Variants in FREM1 observed in about 807,000 individuals in gnomAD.
The protein encoded by FREM1 is FRAS1-related extracellular matrix protein 1.
A neutral mutation model predicts 210.1 loss-of-function variants in FREM1; 220 were observed. That is an observed-to-expected ratio of 1.05 (90% confidence interval 0.94 to 1.17). The LOEUF (loss-of-function observed/expected upper bound fraction) is 1.17, where lower values mean the gene tolerates loss of function less well. FREM1 is among the 50% of genes most tolerant of loss of function. The pLI is 0.00. For synonymous variants in FREM1, 1,189 were observed against 980.2 expected, an observed-to-expected ratio of 1.21 and a Z score of -3.98; for missense variants, 3,454 against 2,675.5, an observed-to-expected ratio of 1.29 and a Z score of -6.42.
intron 10 of FREM1, among the ~76,000 whole-genome samples, chr9:14,831,855 G>A (rs1016699961): frequency 6.6e-5 from 10 of 152,190 alleles, no homozygotes; most frequent in Admixed American, 4.6e-4. Context: ...GCCATGGCTC[G>A]GAGGGTCACG....
At chr9:14,787,374 T>C (rs905230183) in intron 23 of FREM1, among the ~76,000 whole-genome samples, 11 of 152,228 alleles carry the variant, frequency 7.2e-5, no homozygotes, top group Admixed American at 2.0e-4. Context: ...GGATAATGTG[T>C]CTACTCGGTA....
At chr9:14,818,902 GAT>G (rs1820779934) in intron 14 of FREM1, among the ~76,000 whole-genome samples, 1 of 152,154 alleles carries the variant, frequency 6.6e-6, no homozygotes, top group Admixed American at 6.5e-5. Context: ...TAGCCTCACA[GAT>G]TATTTCAGTC....
At chr9:14,892,249 C>T (rs1425718588) in intron 1 of FREM1, among the ~76,000 whole-genome samples, 1 of 152,128 alleles carries the variant, frequency 6.6e-6, no homozygotes, top group Non-Finnish European at 1.5e-5. Context: ...ATTCTGCAAA[C>T]CCCAAAGGGA....
intron 1 of FREM1, among the ~76,000 whole-genome samples, chr9:14,878,250 G>C (rs1481864914): frequency 6.6e-6 from 1 of 151,980 alleles, no homozygotes; most frequent in Non-Finnish European, 1.5e-5. Flanking sequence ...TCTCCTGTTT[G>C]TCTTCCCTTT....
intron 1 of FREM1, among the ~76,000 whole-genome samples, chr9:14,886,663 A>G (rs1004060770): frequency 2.6e-5 from 4 of 152,028 alleles, no homozygotes; most frequent in African/African-American, 9.7e-5. Context: ...TGGGAGGCCA[A>G]GGAAGGTGGA....
At chr9:14,839,376 C>T (rs1033821729) in intron 10 of FREM1, among the ~76,000 whole-genome samples, 6 of 152,152 alleles carry the variant, frequency 3.9e-5, no homozygotes, top group African/African-American at 1.2e-4. Flanking sequence ...GCTGATGATA[C>T]ATACATGTAA....
rs1317744364 is a variant in FREM1 at position 14,756,362 on chromosome 9, C to G, written c.5407+12G>C. The G allele has an allele frequency of 2.6e-6, 4 of 1,567,062 alleles. No individual in the cohort carries two copies. The East Asian group carries it at 6.9e-5, about 27-fold the overall frequency. On this transcript the variant is annotated intron_variant, in intron 29 of 36. Coordinates refer to ENST00000380880, the MANE Select transcript of FREM1 (RefSeq NM_001379081.2). ...CAAAACACATAAAACAAACTGCAGA[C>G]ACAAAATGTACCTGGGTCAAACTGA...
chr9:14,812,846 A>C lies in FREM1; in HGVS notation c.2859T>G (p.Asp953Glu), dbSNP rs1166095816. 2 of 1,613,310 alleles carry C rather than the reference A, an allele frequency of 1.2e-6. No homozygotes were observed. The highest frequency in any genetic ancestry group is 3.3e-5 in the Admixed American group (2 of 60,000). The change falls in exon 16 of 37, where the codon GAT becomes GAG. Residue 953 changes from aspartate to glutamate, a missense_variant. By Grantham distance (45) the Asp-to-Glu change is conservative (BLOSUM62 2). Transcript: ENST00000380880. Reference sequence around the variant, plus strand: ...TGTATGTCACGGCCTCTGAGATAACATCTCTCTGAGAGAACTGATCCACTG... The same window carrying C: ...TGTATGTCACGGCCTCTGAGATAACCTCTCTCTGAGAGAACTGATCCACTG... ...GVTVDQFSQR[D>E]VISEAVTYKH...
intron 27 of FREM1, among the ~76,000 whole-genome samples, chr9:14,763,315 C>A (rs1364620418): frequency 3.3e-5 from 5 of 152,132 alleles, no homozygotes; most frequent in Non-Finnish European, 4.4e-5. Flanking sequence ...AAAACTGTTT[C>A]GGGACCTTGA....
chr9:14,808,143 C>T lies in FREM1; in HGVS notation c.2894-9G>A. ...CAGGCCAATCTCGCCACCTGGAAGA[C>T]ACAACTATAGCTGAAACCTGCCTTT... On this transcript the variant is annotated splice_polypyrimidine_tract_variant and intron_variant, in intron 16 of 36. Transcript: ENST00000380880. 1 of 1,569,396 alleles carries T rather than the reference C, an allele frequency of 6.4e-7. No homozygotes were observed. The highest frequency in any genetic ancestry group is 1.4e-5 in the African/African-American group (1 of 73,934).
intron 10 of FREM1, among the ~76,000 whole-genome samples, chr9:14,838,862 G>A (rs2779509): frequency 0.78 from 118,805 of 152,006 alleles, 49,424 homozygotes; most frequent in Non-Finnish European, 0.94. Flanking sequence ...GCCAGAGCAT[G>A]TAAAAGGACA....
chr9:14,806,266 T>TA (rs1339308546), intron 18 of FREM1, among the ~76,000 whole-genome samples: 1 of 116,050 alleles, frequency 8.6e-6, no homozygotes, highest in African/African-American at 2.9e-5. Context: ...TTTTTTTTTT[T>TA]TTTTTGAGAC....
At chr9:14,746,759 T>G (rs1270219493) in intron 34 of FREM1, among the ~76,000 whole-genome samples, 164 bp downstream of exon 34, 1 of 152,232 alleles carries the variant, frequency 6.6e-6, no homozygotes, top group East Asian at 1.9e-4. Context: ...TTGTGATTTT[T>G]AAAAAGCCAC....
intron 1 of FREM1, among the ~76,000 whole-genome samples, chr9:14,883,234 A>G (rs560458461): frequency 6.6e-6 from 1 of 152,310 alleles, no homozygotes; most frequent in South Asian, 2.1e-4. Flanking sequence ...TTGATATTTC[A>G]AAAACAACCT....
chr9:14,786,223 A>T (rs1203636913), intron 23 of FREM1, among the ~76,000 whole-genome samples: 1 of 152,206 alleles, frequency 6.6e-6, no homozygotes, highest in Non-Finnish European at 1.5e-5. Context: ...AATTAATAAA[A>T]CATTGAGTGA....
At position 14,876,525 on chromosome 9, in the gene FREM1, G is replaced by A. The variant is rs558616875; in HGVS notation, c.-267-7281C>T. On this transcript the variant is annotated intron_variant, in intron 1 of 36. Coordinates refer to ENST00000380880, the MANE Select transcript of FREM1 (RefSeq NM_001379081.2). ...TCCTGGTGCGCCATGTTTTAAGCCCGTCGGAAAAGCACAGTATGAGGGTGG... is the reference window on the plus strand; with the variant it reads ...TCCTGGTGCGCCATGTTTTAAGCCCATCGGAAAAGCACAGTATGAGGGTGG... 1.3e-4 allele frequency among the ~76,000 whole-genome samples: 20 copies of A among 152,248 alleles called. No individual in the cohort carries two copies. The South Asian group carries it at 1.7e-3, about 13-fold the overall frequency.
chr9:14,865,077 C>T (rs1043440775), intron 2 of FREM1, among the ~76,000 whole-genome samples: 3 of 152,188 alleles, frequency 2.0e-5, no homozygotes, highest in Admixed American at 6.5e-5. Flanking sequence ...AAATCCTTTT[C>T]TAATTACTGT....
At chr9:14,774,155 C>T (rs1454814900) in intron 25 of FREM1, 3 of 518,690 alleles carry the variant, frequency 5.8e-6, no homozygotes, top group East Asian at 5.4e-5. Flanking sequence ...AGGACTCATC[C>T]AGCATCCACT....
chr9:14,899,543 T>C (rs774656414), intron 1 of FREM1, among the ~76,000 whole-genome samples: 22 of 152,292 alleles, frequency 1.4e-4, no homozygotes, highest in African/African-American at 5.1e-4. Flanking sequence ...TGAAAAAATA[T>C]GTGCAGGAGG....
Sources: allele counts gnomAD v4.1 joint callset (sites outside exome capture counted in the v4.1 genomes callset), GRCh38; gene constraint gnomAD v4.1.1; transcripts MANE v1.5; gene names NCBI Gene and HGNC (gene_info 2026-07-23, HGNC 2026-07-21).